SH3D21: variants seen among roughly 807,000 people sequenced by gnomAD.
SH3D21 encodes manchette microtubule inner protein 1, also known as SH3 domain-containing protein 21.
SH3D21 carries 83 observed loss-of-function variants against 82.1 expected under a neutral mutation model. The observed-to-expected ratio is 1.01, with a 90% confidence interval of 0.85 to 1.21. The LOEUF (loss-of-function observed/expected upper bound fraction) is 1.21. Ranked by LOEUF, SH3D21 falls within the 50% of genes most tolerant of loss-of-function variation. The pLI is 0.00. For synonymous variants in SH3D21, 383 were observed against 387.8 expected (o/e 0.99, Z 0.15); for missense variants, 980 against 962.1 (o/e 1.02, Z -0.25).
At chr1:36,326,323 C>T (rs1401302167), downstream of SH3D21, among the ~76,000 whole-genome samples, 4 of 151,794 alleles carry the variant, frequency 2.6e-5, no homozygotes, top group Admixed American at 6.6e-5. Flanking sequence ...CCTCTGTCTC[C>T]CGGATTCGAG....
chr1:36,325,888 C>T (rs1432453846), downstream of SH3D21, among the ~76,000 whole-genome samples: 1 of 152,336 alleles, frequency 6.6e-6, no homozygotes, highest in Admixed American at 6.5e-5. Flanking sequence ...ACAGAACAGA[C>T]ACAAATCCTT....
At chr1:36,310,572 G>C (rs1257112415) in intron 10 of SH3D21, among the ~76,000 whole-genome samples, 1 of 151,256 alleles carries the variant, frequency 6.6e-6, no homozygotes, top group African/African-American at 2.4e-5. Flanking sequence ...CTGAGATCAT[G>C]CCACTGTATG....
In SH3D21 at chr1:36,314,147, T is replaced by C. The variant is rs1646297921; in HGVS notation, c.769+4557T>C. ...CCCGCCACCACACCCAGCTAATTTT[T>C]TGTATTTTTAGTAGAGACGGGGTTT... On this transcript the variant is annotated intron_variant, in intron 10 of 15. Transcript: ENST00000453908. 2.0e-5 allele frequency among the ~76,000 whole-genome samples: 3 copies of C among 150,798 alleles called. No individual in the cohort carries two copies. In the South Asian group the frequency reaches 6.3e-4, roughly 32 times the overall value.
In SH3D21 at chr1:36,307,780, C is replaced by T; in HGVS notation, c.447C>T (p.Asn149=). 1 of 1,551,814 alleles carries T rather than the reference C, an allele frequency of 6.4e-7. No individual in the cohort carries two copies. Among genetic ancestry groups the T allele is most frequent in the Non-Finnish European group, 8.7e-7 (1 of 1,147,012 alleles). The change falls in exon 6 of 16, where the codon AAC becomes AAT. Residue 149 remains asparagine, a synonymous_variant. Coordinates refer to ENST00000453908, the MANE Select transcript of SH3D21 (RefSeq NM_001162530.2). The surrounding 1 kb of genome is among the most constrained non-coding windows in gnomAD (Gnocchi z 5.4). The stretch of plus-strand genomic sequence containing the variant: ...ACTGTCCCCCACTAGGCCTTGGTAA[C>T]CCAGACATGCCTTCAGTCAGCCCTG... The part of the protein sequence containing the change: ...LLDSGPPSLG[N]PDMPSVSPGP...
At chr1:36,326,343 T>C (rs1646545271), downstream of SH3D21, among the ~76,000 whole-genome samples, 1 of 152,022 alleles carries the variant, frequency 6.6e-6, no homozygotes, top group South Asian at 2.1e-4. Flanking sequence ...GTGATTCTCC[T>C]GCCTCAGCCT....
In SH3D21 at chr1:36,319,165, G is replaced by T. The variant is rs370943824; in HGVS notation, c.863+1G>T. 6.4e-7 allele frequency: 1 copy of T among 1,551,288 alleles called. No homozygotes were observed. The highest frequency in any genetic ancestry group is 1.4e-5 in the African/African-American group (1 of 73,018). On this transcript the variant is annotated splice_donor_variant, in intron 11 of 15. Transcript: ENST00000453908. LOFTEE classifies it high-confidence loss of function. The stretch of plus-strand genomic sequence containing the variant: ...CCACCACTGGGCCCAGCAAAGCCAA[G>T]TAAGGAGCAGGATGGGGTTGGGGGA...
Position 36,320,347 on chromosome 1 carries a change from C to T in SH3D21, c.1684C>T (p.Arg562Cys), listed in dbSNP as rs372370041. 23 of 1,613,278 alleles carry T rather than the reference C, an allele frequency of 1.4e-5. No homozygotes were observed. The highest frequency in any genetic ancestry group is 3.3e-4 in the Middle Eastern group (2 of 6,084). Residue 562 changes from arginine to cysteine, a missense_variant, in exon 14 of 16, where the codon CGC becomes TGC. By Grantham distance (180) the Arg-to-Cys change is radical (BLOSUM62 -3). Transcript: ENST00000453908. ...CCTAGTTAGAGGGGACAGCTCCCCA[C>T]GCCAGGCTGAGTTGAAGTCTGGGCC... ...CTLVRGDSSPRQAELKSGPAS... is the reference protein window; with the variant it reads ...CTLVRGDSSPCQAELKSGPAS...
chr1:36,321,381 G>C, downstream of SH3D21: 2 of 1,284,754 alleles, frequency 1.6e-6, no homozygotes, highest in Non-Finnish European at 2.0e-6. This position sits in a 1 kb window ranked among gnomAD's most constrained non-coding sequence, Gnocchi z 6.1. Flanking sequence ...TTATCCACCG[G>C]ATGGTGAGGG....
At position 36,308,068 on chromosome 1, in the gene SH3D21, G is replaced by A. The variant is rs764049097; in HGVS notation, c.539-41G>A. 2.2e-4 allele frequency: 334 copies of A among 1,546,536 alleles called. 1 individual carries two copies. Among genetic ancestry groups the A allele is most frequent in the South Asian group, 1.8e-4 (15 of 83,718 alleles). Reference sequence around the variant, plus strand: ...AGGTGGGGGCTGCTGATGGATGGGGGAGGCTTGGCTTCAGAGGACAGTGGA... The same window carrying A: ...AGGTGGGGGCTGCTGATGGATGGGGAAGGCTTGGCTTCAGAGGACAGTGGA... On this transcript the variant is annotated intron_variant, in intron 7 of 15. Transcript: ENST00000453908.
chr1:36,322,725 G>A (rs1034370838), downstream of SH3D21: 2 of 1,546,440 alleles, frequency 1.3e-6, no homozygotes, highest in African/African-American at 2.7e-5. Context: ...CTCGGGGTTG[G>A]CTGCGGGGCA....
At chr1:36,323,202 C>T (rs1272160791), downstream of SH3D21, 5 of 730,780 alleles carry the variant, frequency 6.8e-6, no homozygotes, top group Non-Finnish European at 1.1e-5. Flanking sequence ...TTCGTGGCGG[C>T]CCGGGGCCCT....
rs1250430164 is a variant in SH3D21, at chr1:36,306,941, G to A, written c.226+36G>A. On this transcript the variant is annotated intron_variant, in intron 3 of 15. Coordinates refer to ENST00000453908, the MANE Select transcript of SH3D21 (RefSeq NM_001162530.2). The surrounding 1 kb of genome is among the most constrained non-coding windows in gnomAD (Gnocchi z 4.5). ...GGGCGGGGACGGGCGCCGGTGGGCG[G>A]GTGCACGGAGCCAGTGCGACCCCGG... The A allele has an allele frequency of 7.5e-7, 1 of 1,339,138 alleles. No homozygotes were observed. Among genetic ancestry groups the A allele is most frequent in the Non-Finnish European group, 9.7e-7 (1 of 1,033,264 alleles). 83.0% of individuals were successfully genotyped at this position (1,339,138 alleles called of 1,614,324 possible).
downstream of SH3D21, among the ~76,000 whole-genome samples, chr1:36,325,381 A>C (rs1201062867): frequency 6.6e-6 from 1 of 152,232 alleles, no homozygotes; most frequent in Non-Finnish European, 1.5e-5. Context: ...ATAAGTAATC[A>C]AGAGATGATT....
intron 12 of SH3D21, 34 bp downstream of exon 12, chr1:36,319,346 T>A (rs1646401367): frequency 3.2e-6 from 5 of 1,551,022 alleles, no homozygotes; most frequent in Non-Finnish European, 3.5e-6. Context: ...CGGGGAGGAC[T>A]GGAGGACAGG....
At chr1:36,326,142 C>T (rs928463785), downstream of SH3D21, among the ~76,000 whole-genome samples, 1 of 152,066 alleles carries the variant, frequency 6.6e-6, no homozygotes, top group Non-Finnish European at 1.5e-5. Flanking sequence ...AAGAAAGCCA[C>T]GCAGATGGTG....
At chr1:36,309,619 G>A (rs1292499723) in intron 10 of SH3D21, 29 bp downstream of exon 10, 1 of 1,551,296 alleles carries the variant, frequency 6.4e-7, no homozygotes, top group Non-Finnish European at 8.7e-7. Flanking sequence ...TGGGATTGGG[G>A]GGTGTTCTCT....
In SH3D21 at chr1:36,319,408, G is replaced by A. The variant is rs1017173189; in HGVS notation, c.917-34G>A. The A allele has an allele frequency of 3.9e-6, 6 of 1,551,000 alleles. No individual in the cohort carries two copies. In the South Asian group the frequency reaches 4.8e-5, roughly 12 times the overall value. On this transcript the variant is annotated intron_variant, in intron 12 of 15. Transcript: ENST00000453908. ...AGGTGGGAAGAGACTGAGGGTCAGA[G>A]TAGGCTTGGGTCCCTGAGGTTCTGC...
Position 36,320,288 on chromosome 1 carries a change from C to T in SH3D21, c.1625C>T (p.Ser542Phe). The change falls in exon 14 of 16, where the codon TCC becomes TTC. Residue 542 changes from serine to phenylalanine, a missense_variant. Coordinates refer to ENST00000453908, the MANE Select transcript of SH3D21 (RefSeq NM_001162530.2). ...TPEAPPPQPP[S>F]SERCLGEMKC... ...GAGGCACCCCCACCCCAGCCTCCTT[C>T]CTCAGAGAGGTGCCTGGGAGAGATG... 1 of 1,612,682 alleles carries T rather than the reference C, an allele frequency of 6.2e-7. No homozygotes were observed. Among genetic ancestry groups the T allele is most frequent in the East Asian group, 2.2e-5 (1 of 44,880 alleles).
chr1:36,308,179 G>GA lies in SH3D21; in HGVS notation c.610dup (p.Arg204LysfsTer15). 6.5e-7 allele frequency: 1 copy of GA among 1,547,244 alleles called. No homozygotes were observed. Among genetic ancestry groups the GA allele is most frequent in the African/African-American group, 1.4e-5 (1 of 73,076 alleles). ...AGGCCCCAGACGAGTTGGCGCTGCGGAGGGGGGACGTGGTAAAAGTACTCA... is the reference window on the plus strand; with the variant it reads ...AGGCCCCAGACGAGTTGGCGCTGCGGAAGGGGGGACGTGGTAAAAGTACTCA... On this transcript the variant is annotated frameshift_variant, in exon 8 of 16. Coordinates refer to ENST00000453908, the MANE Select transcript of SH3D21 (RefSeq NM_001162530.2). LOFTEE classifies it high-confidence loss of function.
Sources: allele counts gnomAD v4.1 joint callset (sites outside exome capture counted in the v4.1 genomes callset), GRCh38; gene constraint gnomAD v4.1.1; non-coding constraint Gnocchi (gnomAD v3.1); transcripts MANE v1.5; gene names NCBI Gene and HGNC (gene_info 2026-07-23, HGNC 2026-07-21).